The following FRMD4A variants were observed in gnomAD, a reference collection of about 807,000 sequenced individuals.
FRMD4A encodes FERM domain-containing protein 4A.
FRMD4A carries 29 observed loss-of-function variants against 129.1 expected under a neutral mutation model. The ratio of observed to expected loss-of-function variants is 0.22; its 90% CI spans 0.17 to 0.31. FRMD4A has a LOEUF of 0.31. FRMD4A is among the 10% of genes least tolerant of loss of function. FRMD4A has a pLI of 1.00. For missense variants in FRMD4A, 1,272 were observed against 1,375.8 expected (o/e 0.92, Z 1.19); for synonymous variants, 634 against 571.6 (o/e 1.11, Z -1.56).
At chr10:14,234,956 T>C (rs550050944) in intron 2 of FRMD4A, among the ~76,000 whole-genome samples, 1 of 152,296 alleles carries the variant, frequency 6.6e-6, no homozygotes, top group African/African-American at 2.4e-5. Flanking sequence ...CTTTCAAGTA[T>C]TTATCTTTAG....
chr10:14,191,805 T>TCTC (rs1491523483), intron 2 of FRMD4A, among the ~76,000 whole-genome samples: 2 of 140,846 alleles, frequency 1.4e-5, no homozygotes, highest in Admixed American at 7.0e-5. Context: ...TTTTTTTTTT[T>TCTC]TCTCTCTCTC....
At chr10:14,326,955 C>A (rs1011769894) in intron 2 of FRMD4A, 1 of 398,686 alleles carries the variant, frequency 2.5e-6, no homozygotes, top group African/African-American at 2.1e-5. Flanking sequence ...CCAAGTCCCC[C>A]CTTCCGTGGT....
At chr10:14,266,880 T>G (rs1222830201) in intron 2 of FRMD4A, among the ~76,000 whole-genome samples, 2 of 152,204 alleles carry the variant, frequency 1.3e-5, no homozygotes, top group African/African-American at 2.4e-5. Context: ...AGTCAATATA[T>G]GACTTATAAC....
intron 2 of FRMD4A, among the ~76,000 whole-genome samples, chr10:14,085,466 T>G (rs1418991116): frequency 6.6e-6 from 1 of 152,222 alleles, no homozygotes; most frequent in African/African-American, 2.4e-5. Flanking sequence ...TTTGGTACTG[T>G]CACTCCACAG....
chr10:13,745,798 C>G (rs2091259412), intron 9 of FRMD4A, among the ~76,000 whole-genome samples: 2 of 152,206 alleles, frequency 1.3e-5, no homozygotes, highest in African/African-American at 4.8e-5. Flanking sequence ...TAGTTACCTT[C>G]TCACATCCCC....
chr10:14,148,110 T>C (rs951851323), intron 2 of FRMD4A, among the ~76,000 whole-genome samples: 13 of 152,154 alleles, frequency 8.5e-5, no homozygotes, highest in African/African-American at 3.1e-4. Flanking sequence ...ATTGTGCAAT[T>C]TGTACAATGT....
intron 2 of FRMD4A, among the ~76,000 whole-genome samples, chr10:13,993,357 A>G (rs1387122425): frequency 6.6e-6 from 1 of 152,166 alleles, no homozygotes; most frequent in Non-Finnish European, 1.5e-5. Context: ...CTTGGCTGGG[A>G]CCCCAGAATT....
intron 2 of FRMD4A, among the ~76,000 whole-genome samples, chr10:14,259,016 G>A (rs961796946): frequency 3.9e-5 from 6 of 151,938 alleles, no homozygotes; most frequent in African/African-American, 1.2e-4. Flanking sequence ...TGTGAGGGAG[G>A]GATTACAAAG....
chr10:13,735,114 C>T (rs2090558564), intron 12 of FRMD4A, among the ~76,000 whole-genome samples: 3 of 152,178 alleles, frequency 2.0e-5, no homozygotes, highest in African/African-American at 7.2e-5. Flanking sequence ...CTCAAGTGAT[C>T]CACCCGCCTC....
intron 13 of FRMD4A, among the ~76,000 whole-genome samples, chr10:13,703,762 T>C (rs1291296357): frequency 1.3e-5 from 2 of 152,162 alleles, no homozygotes; most frequent in Non-Finnish European, 2.9e-5. Context: ...AACATAAAAA[T>C]AGTAAACACT....
At chr10:13,934,113 T>A (rs913464636) in intron 2 of FRMD4A, among the ~76,000 whole-genome samples, 7 of 152,292 alleles carry the variant, frequency 4.6e-5, no homozygotes, top group African/African-American at 1.4e-4. Flanking sequence ...AGGAGCTCTA[T>A]GCCTAAAACA....
At chr10:14,246,802 C>A (rs1452198208) in intron 2 of FRMD4A, among the ~76,000 whole-genome samples, 1 of 151,896 alleles carries the variant, frequency 6.6e-6, no homozygotes. Flanking sequence ...AGAGAAAACG[C>A]GGAGATAGTG....
chr10:14,287,413 A>AT (rs1179366966), intron 2 of FRMD4A, among the ~76,000 whole-genome samples: 3 of 152,206 alleles, frequency 2.0e-5, no homozygotes, highest in Admixed American at 1.3e-4. Flanking sequence ...TACAGAATGC[A>AT]TTTTTTAAAA....
At chr10:14,158,619 A>G (rs1266668510) in intron 2 of FRMD4A, among the ~76,000 whole-genome samples, 2 of 151,728 alleles carry the variant, frequency 1.3e-5, no homozygotes, top group Non-Finnish European at 2.9e-5. Flanking sequence ...CCATCTCAAA[A>G]ATAAATAAAA....
At chr10:13,762,485 C>T in intron 7 of FRMD4A, 139 bp downstream of exon 7, 1 of 615,714 alleles carries the variant, frequency 1.6e-6, no homozygotes, top group Non-Finnish European at 2.9e-6. Context: ...TCTCTAATAG[C>T]TCTATGCAGC....
chr10:13,818,933 C>G (rs2093588383), intron 3 of FRMD4A, among the ~76,000 whole-genome samples: 1 of 152,190 alleles, frequency 6.6e-6, no homozygotes, highest in Admixed American at 6.5e-5. Flanking sequence ...TGAGACTAGC[C>G]TGGCCAACAC....
chr10:14,208,964 G>A (rs1199075645), intron 2 of FRMD4A, among the ~76,000 whole-genome samples: 1 of 152,150 alleles, frequency 6.6e-6, no homozygotes, highest in Non-Finnish European at 1.5e-5. Flanking sequence ...GGAGGGGTGA[G>A]CTTCTCATAG....
At chr10:13,979,496 C>T (rs965509449) in intron 2 of FRMD4A, among the ~76,000 whole-genome samples, 1 of 152,148 alleles carries the variant, frequency 6.6e-6, no homozygotes, top group Non-Finnish European at 1.5e-5. Context: ...TGGAGGATTG[C>T]TCAGTGAGGA....
At chr10:14,227,677 G>T (rs902578540) in intron 2 of FRMD4A, among the ~76,000 whole-genome samples, 20 of 152,002 alleles carry the variant, frequency 1.3e-4, no homozygotes, top group African/African-American at 4.4e-4. Context: ...ATAAAATACT[G>T]AAATACCCAA....
Sources: allele counts gnomAD v4.1 joint callset (sites outside exome capture counted in the v4.1 genomes callset), GRCh38; gene constraint gnomAD v4.1.1; transcripts MANE v1.5; gene names NCBI Gene and HGNC (gene_info 2026-07-23, HGNC 2026-07-21).